Variants in GABRG3 observed in about 807,000 individuals in gnomAD.
The protein encoded by GABRG3 is gamma-aminobutyric acid receptor subunit gamma-3.
In GABRG3, 25 loss-of-function variants were observed where a neutral mutation model predicts 48.8. That is an observed-to-expected ratio of 0.51 (90% CI 0.37 to 0.72). The LOEUF (loss-of-function observed/expected upper bound fraction) is 0.72. Among genes scored for constraint, GABRG3 ranks in the 30% least tolerant of loss-of-function variants. GABRG3 has a pLI of 0.00. For missense variants in GABRG3, 394 were observed against 577.9 expected, an observed-to-expected ratio of 0.68 and a Z score of 3.26; for synonymous variants, 227 against 217.6, an observed-to-expected ratio of 1.04 and a Z score of -0.38.
intron 5 of GABRG3, among the ~76,000 whole-genome samples, chr15:27,389,712 TG>T (rs1280514497): frequency 6.6e-6 from 1 of 152,216 alleles, no homozygotes; most frequent in African/African-American, 2.4e-5. Context: ...GTAATTCAAA[TG>T]ACCCTTCGAG....
chr15:27,033,177 G>A (rs1033544868), intron 3 of GABRG3, among the ~76,000 whole-genome samples: 3 of 151,120 alleles, frequency 2.0e-5, no homozygotes, highest in African/African-American at 7.3e-5. Flanking sequence ...AGCTCTCCCG[G>A]GTTCTTTATT....
At chr15:27,141,620 T>G (rs1898104493) in intron 3 of GABRG3, among the ~76,000 whole-genome samples, 1 of 152,230 alleles carries the variant, frequency 6.6e-6, no homozygotes, top group Non-Finnish European at 1.5e-5. Context: ...TTGGTGTCAC[T>G]CTAGGGATAA....
rs913347507 is a variant in GABRG3, at chr15:27,174,892, C to T, written c.270+148071C>T. ...CTCTGCCCCTCTCAGAGGGGAATGG[C>T]ATTTAGAAAATACCATCTGACACCT... On this transcript the variant is annotated intron_variant, in intron 3 of 9. Coordinates refer to ENST00000615808, the MANE Select transcript of GABRG3 (RefSeq NM_033223.5). Among the ~76,000 whole-genome samples, 4 of 152,218 alleles carry T rather than the reference C, an allele frequency of 2.6e-5. No individual in the cohort carries two copies. In the East Asian group the frequency reaches 5.8e-4, roughly 22 times the overall value.
rs564268532 is a variant in GABRG3 at position 27,427,683 on chromosome 15, C to A, written c.575-52967C>A. On this transcript the variant is annotated intron_variant, in intron 5 of 9. Coordinates refer to ENST00000615808, the MANE Select transcript of GABRG3 (RefSeq NM_033223.5). Reference sequence around the variant, plus strand: ...CCTCTATGTTCAGTTCTCATTTAATCATTTGTTCCAAATTACAAATTCTTG... The same window carrying A: ...CCTCTATGTTCAGTTCTCATTTAATAATTTGTTCCAAATTACAAATTCTTG... Among the ~76,000 whole-genome samples the A allele has an allele frequency of 1.2e-3, 185 of 152,288 alleles. 2 individuals carry two copies. Among genetic ancestry groups the A allele is most frequent in the Non-Finnish European group, 8.1e-4 (55 of 68,026 alleles).
chr15:27,270,013 A>G (rs1410013348), intron 3 of GABRG3, among the ~76,000 whole-genome samples: 1 of 152,166 alleles, frequency 6.6e-6, no homozygotes, highest in South Asian at 2.1e-4. Flanking sequence ...ATGTCCTCTT[A>G]TAGAGAAGTG....
intron 3 of GABRG3, among the ~76,000 whole-genome samples, chr15:27,226,279 A>T (rs12901294): frequency 0.19 from 29,156 of 152,078 alleles, 3,604 homozygotes; most frequent in South Asian, 0.29. Flanking sequence ...GCATCCAGGA[A>T]CTCAAGGGAC....
intron 3 of GABRG3, among the ~76,000 whole-genome samples, chr15:27,049,351 A>G (rs914486691): frequency 6.6e-6 from 1 of 152,174 alleles, no homozygotes; most frequent in African/African-American, 2.4e-5. Context: ...AAACCCTCAT[A>G]TGGTCTTAGA....
At chr15:27,102,977 C>T (rs1295667117) in intron 3 of GABRG3, among the ~76,000 whole-genome samples, 2 of 152,148 alleles carry the variant, frequency 1.3e-5, no homozygotes, top group Non-Finnish European at 2.9e-5. Context: ...TGAATACTTT[C>T]TTTAATTGTT....
chr15:26,973,284 G>A (rs1047445361), intron 1 of GABRG3, among the ~76,000 whole-genome samples: 4 of 152,110 alleles, frequency 2.6e-5, no homozygotes, highest in African/African-American at 7.2e-5. Flanking sequence ...AAAATCTCTT[G>A]GGATTCTTCA....
At chr15:27,141,011 T>G (rs1413574631) in intron 3 of GABRG3, among the ~76,000 whole-genome samples, 3 of 152,162 alleles carry the variant, frequency 2.0e-5, no homozygotes, top group African/African-American at 7.2e-5. Context: ...GTGTGGTTGC[T>G]TTTTTTGTTA....
intron 5 of GABRG3, among the ~76,000 whole-genome samples, chr15:27,475,389 C>T (rs575999807): frequency 2.4e-4 from 37 of 152,144 alleles, no homozygotes; most frequent in South Asian, 1.0e-3. Context: ...TGGAATAGTT[C>T]GTAGACTATA....
intron 3 of GABRG3, among the ~76,000 whole-genome samples, chr15:27,317,420 C>T (rs1011526650): frequency 5.3e-5 from 8 of 152,206 alleles, no homozygotes; most frequent in Non-Finnish European, 7.3e-5. Context: ...TAGGAACCCA[C>T]TGCTGCCATT....
At chr15:27,396,514 G>A (rs1403596197) in intron 5 of GABRG3, among the ~76,000 whole-genome samples, 1 of 152,148 alleles carries the variant, frequency 6.6e-6, no homozygotes, top group Non-Finnish European at 1.5e-5. Context: ...GTGAGGATGT[G>A]GTGGAACAAC....
At chr15:27,024,881 CTGGGCG>C (rs1895956811) in intron 2 of GABRG3, among the ~76,000 whole-genome samples, 1 of 152,010 alleles carries the variant, frequency 6.6e-6, no homozygotes, top group South Asian at 2.1e-4. Flanking sequence ...ACAAAATTAG[CTGGGCG>C]TGGTGGCAGG....
intron 3 of GABRG3, among the ~76,000 whole-genome samples, chr15:27,156,155 T>C (rs1482701837): frequency 6.6e-6 from 1 of 150,754 alleles, no homozygotes; most frequent in Non-Finnish European, 1.5e-5. Context: ...AAAAATTAGC[T>C]GGGTGTGGTG....
chr15:27,190,984 C>T (rs1167174599), intron 3 of GABRG3, among the ~76,000 whole-genome samples: 6 of 151,952 alleles, frequency 3.9e-5, no homozygotes, highest in Non-Finnish European at 8.8e-5. Context: ...CGTTATGTAC[C>T]CAGTAGTCAT....
chr15:27,118,831 T>C (rs1897685074), intron 3 of GABRG3, among the ~76,000 whole-genome samples: 2 of 152,222 alleles, frequency 1.3e-5, no homozygotes, highest in Admixed American at 1.3e-4. Context: ...GAGAGTTTTA[T>C]AATTTTGGCA....
intron 2 of GABRG3, among the ~76,000 whole-genome samples, chr15:27,008,876 C>A (rs1389176728): frequency 6.6e-6 from 1 of 152,120 alleles, no homozygotes; most frequent in East Asian, 1.9e-4. Context: ...TTCAATGGCA[C>A]CTCGCTAGGG....
At chr15:27,336,202 GAA>G (rs1209105425) in intron 5 of GABRG3, among the ~76,000 whole-genome samples, 5 of 127,746 alleles carry the variant, frequency 3.9e-5, no homozygotes, top group African/African-American at 1.3e-4. Flanking sequence ...AAGAAAGAAA[GAA>G]AGAAAGAGAG....
Sources: allele counts gnomAD v4.1 joint callset (sites outside exome capture counted in the v4.1 genomes callset), GRCh38; gene constraint gnomAD v4.1.1; transcripts MANE v1.5; gene names NCBI Gene and HGNC (gene_info 2026-07-23, HGNC 2026-07-21).